Variants in TNFRSF13B observed in about 807,000 individuals in gnomAD.
The protein encoded by TNFRSF13B is tumor necrosis factor receptor superfamily member 13B.
TNFRSF13B carries 34 observed loss-of-function variants against 24.0 expected under a neutral mutation model. The ratio of observed to expected loss-of-function variants is 1.41; its 90% CI spans 1.08 to 1.88. TNFRSF13B has a LOEUF of 1.88. Among genes scored for constraint, TNFRSF13B ranks in the 40% most tolerant of loss-of-function variants. TNFRSF13B has a pLI of 0.00. For missense variants in TNFRSF13B, 415 were observed against 380.8 expected (o/e 1.09, Z -0.75); for synonymous variants, 173 against 150.3 (o/e 1.15, Z -1.10).
In TNFRSF13B at chr17:16,966,832, C is replaced by CTTTTTTTTTT. The variant is rs796602708; in HGVS notation, c.61+5182_61+5183insAAAAAAAAAA. On this transcript the variant is annotated intron_variant, in intron 1 of 4. Transcript: ENST00000261652. The stretch of plus-strand genomic sequence containing the variant: ...TTGGTTTTTTTTGTTTTTTCTTTTT[C>CTTTTTTTTTT]TTTTTTCTTTTTTTTTTTTTTTTTG... Among the ~76,000 whole-genome samples the CTTTTTTTTTT allele has an allele frequency of 1.0e-4, 10 of 95,848 alleles. 1 individual carries two copies. Among genetic ancestry groups the CTTTTTTTTTT allele is most frequent in the African/African-American group, 1.7e-4 (4 of 23,954 alleles). The allele number at this position is 95,848 out of a possible 152,430, so 62.9% of individuals were successfully genotyped here. A position where few individuals can be genotyped will look rare whatever the true frequency, so the allele number is the denominator to read the frequency against.
chr17:16,964,503 C>T (rs527927016), intron 1 of TNFRSF13B, among the ~76,000 whole-genome samples: 11 of 152,036 alleles, frequency 7.2e-5, no homozygotes, highest in African/African-American at 2.4e-4. Context: ...CCCCTACACC[C>T]GGCTAATTTT....
chr17:16,941,347 A>G (rs1211488160), intron 3 of TNFRSF13B: 34 of 987,556 alleles, frequency 3.4e-5, no homozygotes, highest in South Asian at 4.7e-5. Flanking sequence ...TGGCCACCCT[A>G]TGACTCAGGA....
Position 16,939,784 on chromosome 17 carries a change from T to C in TNFRSF13B, c.645A>G (p.Glu215=). ...PAKSSQDHAM[E]AGSPVSTSPE... ...GGGATGTGCTCACAGGGCTGCCGGC[T>C]TCCATCGCGTGATCTGCAGAGGCGA... Residue 215 remains glutamate, a synonymous_variant, in exon 5 of 5, where the codon GAA becomes GAG. Transcript: ENST00000261652. 6.2e-7 allele frequency: 1 copy of C among 1,611,348 alleles called. No homozygotes were observed.
At chr17:16,946,714 A>G (rs2087552016) in intron 3 of TNFRSF13B, among the ~76,000 whole-genome samples, 1 of 151,962 alleles carries the variant, frequency 6.6e-6, no homozygotes, top group South Asian at 2.1e-4. Context: ...CAGCCTCCCA[A>G]GTAGCTGGGA....
chr17:16,953,765 A>G (rs1013256901), intron 1 of TNFRSF13B, among the ~76,000 whole-genome samples: 1 of 151,658 alleles, frequency 6.6e-6, no homozygotes, highest in Non-Finnish European at 1.5e-5. Context: ...TGCAAGGCAT[A>G]TGTTTGTTCT....
intron 3 of TNFRSF13B, among the ~76,000 whole-genome samples, chr17:16,947,477 T>C (rs920391327): frequency 2.0e-5 from 3 of 152,174 alleles, no homozygotes; most frequent in Non-Finnish European, 4.4e-5. Context: ...ATCCATAATC[T>C]ATGAGGAAGT....
chr17:16,947,915 C>G (rs1214690692), intron 3 of TNFRSF13B, among the ~76,000 whole-genome samples: 1 of 152,188 alleles, frequency 6.6e-6, no homozygotes, highest in Non-Finnish European at 1.5e-5. Flanking sequence ...CATCACAGCA[C>G]AATTCACAAT....
intron 1 of TNFRSF13B, among the ~76,000 whole-genome samples, chr17:16,960,211 A>G (rs550309382): frequency 2.0e-5 from 3 of 152,276 alleles, no homozygotes; most frequent in East Asian, 3.9e-4. Context: ...ACTTTTTTTA[A>G]TGATAAAAAC....
At chr17:16,945,387 G>T (rs929386970) in intron 3 of TNFRSF13B, among the ~76,000 whole-genome samples, 1 of 152,182 alleles carries the variant, frequency 6.6e-6, no homozygotes, top group East Asian at 1.9e-4. Flanking sequence ...GCCTGCAGAC[G>T]CCACTCTGGG....
chr17:16,947,241 A>G (rs1160880673), intron 3 of TNFRSF13B, among the ~76,000 whole-genome samples: 4 of 152,218 alleles, frequency 2.6e-5, no homozygotes, highest in African/African-American at 4.8e-5. Context: ...ACCCTAAACT[A>G]TAAGAATCCT....
chr17:16,952,311 G>T, intron 2 of TNFRSF13B, 135 bp downstream of exon 2: 1 of 1,262,754 alleles, frequency 7.9e-7, no homozygotes, highest in Non-Finnish European at 1.1e-6. Context: ...AAGGTGGAGG[G>T]GTAAGAGGTG....
chr17:16,953,049 C>G (rs561507395), intron 1 of TNFRSF13B, among the ~76,000 whole-genome samples: 1 of 152,342 alleles, frequency 6.6e-6, no homozygotes, highest in Admixed American at 6.5e-5. Context: ...GACTAGGACA[C>G]GGTCCTTCTT....
intron 3 of TNFRSF13B, among the ~76,000 whole-genome samples, chr17:16,944,705 TC>T (rs964067187): frequency 4.6e-5 from 7 of 151,924 alleles, no homozygotes; most frequent in Middle Eastern, 3.2e-3. Context: ...TTCTCCCCAC[TC>T]CCCATGCACA....
chr17:16,963,973 G>C (rs1257798469), intron 1 of TNFRSF13B, among the ~76,000 whole-genome samples: 6 of 151,982 alleles, frequency 3.9e-5, no homozygotes, highest in Admixed American at 3.9e-4. Flanking sequence ...TGTGTGCCCC[G>C]ATAAGGCTGC....
At chr17:16,956,288 A>C (rs569139083) in intron 1 of TNFRSF13B, among the ~76,000 whole-genome samples, 2 of 152,248 alleles carry the variant, frequency 1.3e-5, no homozygotes, top group Non-Finnish European at 2.9e-5. Flanking sequence ...GCAATCCTTG[A>C]GGAGTGGTAA....
intron 3 of TNFRSF13B, among the ~76,000 whole-genome samples, chr17:16,944,074 G>T (rs1349900258): frequency 6.6e-6 from 1 of 152,190 alleles, no homozygotes; most frequent in Non-Finnish European, 1.5e-5. Flanking sequence ...CTCTTGGTGA[G>T]CATGTGGAGC....
At chr17:16,960,912 C>A (rs1597666426) in intron 1 of TNFRSF13B, among the ~76,000 whole-genome samples, 3 of 152,186 alleles carry the variant, frequency 2.0e-5, no homozygotes, top group Admixed American at 1.3e-4. Context: ...CAACAAAAAA[C>A]CAAACAACTC....
Position 16,939,667 on chromosome 17 carries a change from A to G in TNFRSF13B, c.762T>C (p.Thr254=). 1.2e-6 allele frequency: 2 copies of G among 1,611,830 alleles called. No homozygotes were observed. The highest frequency in any genetic ancestry group is 1.7e-6 in the Non-Finnish European group (2 of 1,178,406). ...SAVTPGTPDP[T]CAGRWGCHTR... The stretch of plus-strand genomic sequence containing the variant: ...TGTGGCACCCCCACCTTCCAGCACA[A>G]GTGGGGTCGGGGGTCCCAGGCGTGA... The change falls in exon 5 of 5, where the codon ACT becomes ACC. Residue 254 remains threonine (T), a synonymous_variant. Transcript: ENST00000261652.
At chr17:16,955,467 G>C (rs2087618220) in intron 1 of TNFRSF13B, among the ~76,000 whole-genome samples, 1 of 152,208 alleles carries the variant, frequency 6.6e-6, no homozygotes, top group Admixed American at 6.5e-5. Context: ...AAAAACATCA[G>C]TAGAAGGGCT....
Sources: gnomAD v4.1 joint callset for allele counts (sites outside exome capture counted in the v4.1 genomes callset) on GRCh38, gnomAD v4.1.1 for gene constraint, MANE v1.5 for transcripts, NCBI Gene and HGNC (gene_info 2026-07-23, HGNC 2026-07-21) for gene names.